SCFD2: variants seen among roughly 807,000 people sequenced by gnomAD.
SCFD2 encodes the protein sec1 family domain-containing protein 2.
A neutral mutation model predicts 58.9 loss-of-function variants in SCFD2; 54 were observed. The ratio of observed to expected loss-of-function variants is 0.92; its 90% CI spans 0.74 to 1.15. SCFD2 has a LOEUF of 1.15. SCFD2 is among the 50% of genes most tolerant of loss of function. The pLI is 0.00. For synonymous variants in SCFD2, 321 were observed against 335.9 expected (o/e 0.96, Z 0.49); for missense variants, 805 against 836.6 (o/e 0.96, Z 0.47).
chr4:53,058,579 C>T (rs1723416657), intron 5 of SCFD2, among the ~76,000 whole-genome samples: 1 of 152,122 alleles, frequency 6.6e-6, no homozygotes, highest in Non-Finnish European at 1.5e-5. Context: ...ATCTCTGAAT[C>T]AGGCACTGAT....
intron 5 of SCFD2, among the ~76,000 whole-genome samples, chr4:53,140,392 A>AAAAAATATATATATATATATATATAT (rs369140110): frequency 1.0e-5 from 1 of 97,496 alleles, no homozygotes; most frequent in Non-Finnish European, 2.0e-5. Context: ...CAAAAATGCT[A>AAAAAATATATATATATATATATATAT]ATATATATAT....
intron 4 of SCFD2, among the ~76,000 whole-genome samples, chr4:53,175,254 T>G (rs558619391): frequency 2.0e-5 from 3 of 152,192 alleles, no homozygotes; most frequent in Non-Finnish European, 4.4e-5. Flanking sequence ...AGCCATGTAA[T>G]GTGATATCTT....
intron 1 of SCFD2, among the ~76,000 whole-genome samples, chr4:53,360,965 C>T (rs1734533235): frequency 6.6e-6 from 1 of 152,098 alleles, no homozygotes; most frequent in Admixed American, 6.6e-5. Context: ...GAGAAATCTT[C>T]TATTTTTTCC....
intron 5 of SCFD2, among the ~76,000 whole-genome samples, chr4:53,033,937 G>C (rs1232279766): frequency 2.0e-5 from 3 of 152,196 alleles, no homozygotes; most frequent in Non-Finnish European, 4.4e-5. Flanking sequence ...AACAGAAATA[G>C]AGGGAATCCT....
At chr4:53,208,022 T>A (rs138281559) in intron 4 of SCFD2, among the ~76,000 whole-genome samples, 17 of 151,836 alleles carry the variant, frequency 1.1e-4, no homozygotes, top group Admixed American at 3.3e-4. Flanking sequence ...AGTAGCAAGA[T>A]TTCAGCTCAC....
intron 5 of SCFD2, among the ~76,000 whole-genome samples, chr4:52,954,295 C>G (rs1477954935): frequency 6.6e-6 from 1 of 152,148 alleles, no homozygotes; most frequent in African/African-American, 2.4e-5. Flanking sequence ...CCAGGCCAGT[C>G]TGAGTGCCTG....
chr4:53,331,911 G>A (rs1159071142), intron 2 of SCFD2, among the ~76,000 whole-genome samples: 1 of 149,740 alleles, frequency 6.7e-6, no homozygotes, highest in African/African-American at 2.5e-5. Context: ...ATGATAAAGG[G>A]GATATCACCA....
Position 53,063,126 on chromosome 4 carries a change from T to C in SCFD2, c.1561+82207A>G, listed in dbSNP as rs145500525. On this transcript the variant is annotated intron_variant, in intron 5 of 8. Coordinates refer to ENST00000401642, the MANE Select transcript of SCFD2 (RefSeq NM_152540.4). ...TGCATACAAAAATAGGAGCTTAGCA[T>C]ATGCTTGTTAATACATGGCAAAGGT... Among the ~76,000 whole-genome samples, 3 of 152,288 alleles carry C rather than the reference T, an allele frequency of 2.0e-5. No homozygotes were observed. In the East Asian group the frequency reaches 5.8e-4, roughly 29 times the overall value.
At chr4:53,019,843 C>T (rs1258398148) in intron 5 of SCFD2, among the ~76,000 whole-genome samples, 4 of 152,098 alleles carry the variant, frequency 2.6e-5, no homozygotes, top group Admixed American at 6.6e-5. Context: ...TGCTTTAGAT[C>T]CCAAGCAATG....
rs143384811 is a variant in SCFD2 at position 52,913,383 on chromosome 4, A to T, written c.1708-5792T>A. ...ATCAGTGATGGCTTTAGATTCTCCTAGGATCACAAACCCTATTGTGAACTG... is the reference window on the plus strand; with the variant it reads ...ATCAGTGATGGCTTTAGATTCTCCTTGGATCACAAACCCTATTGTGAACTG... On this transcript the variant is annotated intron_variant, in intron 6 of 8. Transcript: ENST00000401642. 9.4e-4 allele frequency among the ~76,000 whole-genome samples: 143 copies of T among 152,230 alleles called. 1 individual carries two copies. Among genetic ancestry groups the T allele is most frequent in the African/African-American group, 3.4e-3 (141 of 41,548 alleles).
intron 4 of SCFD2, among the ~76,000 whole-genome samples, chr4:53,236,647 TG>T (rs1237954472): frequency 4.7e-5 from 7 of 150,532 alleles, no homozygotes; most frequent in East Asian, 1.9e-4. Flanking sequence ...ATGTCTGGCA[TG>T]TTTTTTTTTA....
At chr4:52,895,385 T>C (rs1718981341) in intron 7 of SCFD2, among the ~76,000 whole-genome samples, 2 of 152,142 alleles carry the variant, frequency 1.3e-5, no homozygotes, top group Non-Finnish European at 2.9e-5. Context: ...TGTGTTCTCA[T>C]TGTTCAATTC....
chr4:53,350,176 A>G (rs1451301791), intron 2 of SCFD2, among the ~76,000 whole-genome samples: 1 of 152,134 alleles, frequency 6.6e-6, no homozygotes, highest in East Asian at 1.9e-4. Flanking sequence ...CCATCTTCTG[A>G]TAAGTGTTTC....
In SCFD2 at chr4:53,237,500, C is replaced by T. The variant is rs1258502053; in HGVS notation, c.1311+36326G>A. 1.8e-4 allele frequency among the ~76,000 whole-genome samples: 7 copies of T among 38,418 alleles called. 1 individual carries two copies. Among genetic ancestry groups the T allele is most frequent in the Admixed American group, 8.4e-4 (3 of 3,576 alleles). The allele number at this position is 38,418 out of a possible 152,430, so 25.2% of individuals were successfully genotyped here. On this transcript the variant is annotated intron_variant, in intron 4 of 8. Transcript: ENST00000401642. ...CCCCCCCACCTCCCTCCCGGACGGG[C>T]GGCTGGCCGGGCGGGGGGCTGACCC...
intron 6 of SCFD2, among the ~76,000 whole-genome samples, chr4:52,911,206 T>C (rs1719478063): frequency 1.3e-5 from 2 of 152,324 alleles, no homozygotes; most frequent in South Asian, 4.1e-4. Context: ...GCACAGTGTA[T>C]CTGGGGTGAT....
intron 4 of SCFD2, among the ~76,000 whole-genome samples, chr4:53,197,527 CCTG>C (rs563245101): frequency 1.3e-5 from 2 of 151,950 alleles, no homozygotes; most frequent in Non-Finnish European, 2.9e-5. Context: ...CAAAGCCTAA[CCTG>C]CTTTCTTACC....
intron 7 of SCFD2, among the ~76,000 whole-genome samples, chr4:52,903,884 CATT>C (rs1009628062): frequency 3.3e-5 from 5 of 152,276 alleles, no homozygotes; most frequent in African/African-American, 1.2e-4. Context: ...TGAAGAAAAA[CATT>C]AGTCTGGAGA....
chr4:52,925,535 A>G (rs1390017728), intron 5 of SCFD2, among the ~76,000 whole-genome samples: 1 of 149,526 alleles, frequency 6.7e-6, no homozygotes, highest in Non-Finnish European at 1.5e-5. Flanking sequence ...TTGGCCATAC[A>G]AGGTGTGAGG....
Position 52,885,859 on chromosome 4 carries a change from C to T in SCFD2, c.1850G>A (p.Arg617Gln), listed in dbSNP as rs141706393. The T allele has an allele frequency of 2.4e-4, 390 of 1,613,996 alleles. No homozygotes were observed. Among genetic ancestry groups the T allele is most frequent in the Non-Finnish European group, 3.0e-4 (359 of 1,179,920 alleles). ...TGFSMFMKVS[R>Q]PHPSDYPLLI... ...GAGGGGGTAGTCACTAGGATGAGGC[C>T]GGCTCACCTGCAAAACAAAACACCA... The change falls in exon 8 of 9, where the codon CGG (arginine) becomes CAG (glutamine). Residue 617 changes from arginine (R) to glutamine (Q), a missense_variant. Physicochemically the swap from Arg to Gln is conservative, Grantham distance 43. This residue lies in a region of SCFD2 where 633 missense variants were observed against 646.8 expected (regional missense o/e 0.98). Coordinates refer to ENST00000401642, the MANE Select transcript of SCFD2 (RefSeq NM_152540.4).
Sources: allele counts gnomAD v4.1 joint callset (sites outside exome capture counted in the v4.1 genomes callset), GRCh38; gene constraint gnomAD v4.1.1; regional missense constraint gnomAD v4.1.1; transcripts MANE v1.5; gene names NCBI Gene and HGNC (gene_info 2026-07-23, HGNC 2026-07-21).